The following COL5A2 variants were observed in gnomAD, a reference collection of about 807,000 sequenced individuals.
The protein encoded by COL5A2 is collagen type V alpha 2 chain, also known as collagen alpha-2(V) chain.
COL5A2 carries 23 observed loss-of-function variants against 208.2 expected under a neutral mutation model. The ratio of observed to expected loss-of-function variants is 0.11; its 90% CI spans 0.08 to 0.16. The LOEUF (loss-of-function observed/expected upper bound fraction) is 0.16. COL5A2 is among the 10% of genes least tolerant of loss of function. The pLI is 1.00. For synonymous variants in COL5A2, 625 were observed against 628.5 expected (o/e 0.99, Z 0.08); for missense variants, 1,590 against 1,956.4 (o/e 0.81, Z 3.53).
intron 1 of COL5A2, among the ~76,000 whole-genome samples, chr2:189,152,561 T>C (rs538510101): frequency 6.6e-6 from 1 of 152,308 alleles, no homozygotes; most frequent in East Asian, 1.9e-4. Flanking sequence ...AATGAGCTAG[T>C]TCCCTACAGC....
the COL5A2 span, among the ~76,000 whole-genome samples, chr2:189,308,571 C>T: frequency 6.6e-6 from 1 of 152,130 alleles, no homozygotes; most frequent in African/African-American, 2.4e-5. Context: ...TAGAGTCTGG[C>T]ACCTTTTTAG....
chr2:189,161,674 A>G lies in COL5A2; in HGVS notation c.97+17834T>C, dbSNP rs547189027. On this transcript the variant is annotated intron_variant, in intron 1 of 53. Transcript: ENST00000374866. ...TATTTTGCTTGAAATATCAGTCACAAACTTTTATTGAGTTTCTACTATATG... is the reference window on the plus strand; with the variant it reads ...TATTTTGCTTGAAATATCAGTCACAGACTTTTATTGAGTTTCTACTATATG... Among the ~76,000 whole-genome samples, 14 of 152,302 alleles carry G rather than the reference A, an allele frequency of 9.2e-5. 2 individuals carry two copies. In the South Asian group the frequency reaches 2.5e-3, roughly 27 times the overall value.
the COL5A2 span, among the ~76,000 whole-genome samples, chr2:189,297,337 T>C: frequency 6.6e-6 from 1 of 152,192 alleles, no homozygotes; most frequent in African/African-American, 2.4e-5. Flanking sequence ...GTCATTATTT[T>C]AGGGCATTTT....
chr2:189,405,376 T>TGCCA, the COL5A2 span, among the ~76,000 whole-genome samples: 77 of 152,138 alleles, frequency 5.1e-4, no homozygotes, highest in Non-Finnish European at 9.1e-4. Context: ...GGATTACAGG[T>TGCCA]GCCAGCTATG....
At chr2:189,346,272 C>T in the COL5A2 span, among the ~76,000 whole-genome samples, 1 of 152,110 alleles carries the variant, frequency 6.6e-6, no homozygotes, top group African/African-American at 2.4e-5. Context: ...TCTTAGTTTG[C>T]TTTCTGTTTA....
rs137988249 is a variant in COL5A2 at position 189,033,773 on chromosome 2, G to T, written c.*297C>A. 4 of 397,950 alleles carry T rather than the reference G, an allele frequency of 1.0e-5. No homozygotes were observed. Among genetic ancestry groups the T allele is most frequent in the African/African-American group, 8.1e-5 (4 of 49,670 alleles). The allele number at this position is 397,950 out of a possible 1,614,324, so 24.7% of individuals were successfully genotyped here. ...TACACTGAAATAAATTGAAGAAAACGGAGATTTATTTATTCAATCAGTTTA... is the reference window on the plus strand; with the variant it reads ...TACACTGAAATAAATTGAAGAAAACTGAGATTTATTTATTCAATCAGTTTA... On this transcript the variant is annotated 3_prime_UTR_variant, in exon 54 of 54. Transcript: ENST00000374866.
chr2:189,364,493 C>A, the COL5A2 span, among the ~76,000 whole-genome samples: 1 of 152,114 alleles, frequency 6.6e-6, no homozygotes, highest in Non-Finnish European at 1.5e-5. Flanking sequence ...TCAAAACCAG[C>A]CTGGCCAACA....
At chr2:189,182,035 T>G (rs555613939), upstream of COL5A2, among the ~76,000 whole-genome samples, 1 of 152,338 alleles carries the variant, frequency 6.6e-6, no homozygotes, top group South Asian at 2.1e-4. Context: ...AGCAAAGTAT[T>G]TTGCAACTTG....
chr2:189,365,900 C>T, the COL5A2 span, among the ~76,000 whole-genome samples: 1 of 152,170 alleles, frequency 6.6e-6, no homozygotes, highest in South Asian at 2.1e-4. Flanking sequence ...TGAACTTAGA[C>T]ACCCCACACA....
chr2:189,228,390 C>G (rs1449965993), upstream of COL5A2, among the ~76,000 whole-genome samples: 1 of 151,350 alleles, frequency 6.6e-6, no homozygotes, highest in Non-Finnish European at 1.5e-5. Context: ...AAAAAATCAA[C>G]AAAACCAACA....
chr2:189,286,409 G>T, the COL5A2 span, among the ~76,000 whole-genome samples: 1 of 152,134 alleles, frequency 6.6e-6, no homozygotes, highest in South Asian at 2.1e-4. Flanking sequence ...GGAAAGCAAG[G>T]GCTAGACAAT....
chr2:189,195,785 C>A (rs1688992132), intron 1 of COL5A2, among the ~76,000 whole-genome samples: 1 of 152,142 alleles, frequency 6.6e-6, no homozygotes, highest in South Asian at 2.1e-4. Context: ...AAACTGGACC[C>A]CTTCCTTATG....
At chr2:189,164,350 A>G (rs577408707) in intron 1 of COL5A2, among the ~76,000 whole-genome samples, 1 of 151,986 alleles carries the variant, frequency 6.6e-6, no homozygotes, top group South Asian at 2.1e-4. Flanking sequence ...GAAAAATCAC[A>G]TTTTGTTTTT....
At chr2:189,341,094 A>T in the COL5A2 span, among the ~76,000 whole-genome samples, 5,546 of 152,276 alleles carry the variant, frequency 0.036, 117 homozygotes, top group Admixed American at 0.05. Flanking sequence ...TATGCATTTA[A>T]GATAAGAACA....
At chr2:189,369,837 T>G in the COL5A2 span, among the ~76,000 whole-genome samples, 3 of 152,194 alleles carry the variant, frequency 2.0e-5, no homozygotes, top group African/African-American at 7.2e-5. Flanking sequence ...TCCGATTGCA[T>G]GATGAGGTCT....
the COL5A2 span, among the ~76,000 whole-genome samples, chr2:189,349,285 G>T: frequency 3.3e-5 from 5 of 152,048 alleles, no homozygotes; most frequent in African/African-American, 1.2e-4. Flanking sequence ...TAAGAAAATG[G>T]TTTTTTCCAA....
intron 13 of COL5A2, among the ~76,000 whole-genome samples, chr2:189,080,725 T>C (rs1480492623): frequency 1.3e-5 from 2 of 152,236 alleles, no homozygotes; most frequent in East Asian, 3.9e-4. Context: ...GCTAGAGATT[T>C]TTCTCATTCA....
the COL5A2 span, among the ~76,000 whole-genome samples, chr2:189,392,813 T>G: frequency 6.6e-6 from 1 of 152,178 alleles, no homozygotes; most frequent in Admixed American, 6.6e-5. Context: ...CCTAGAAGCC[T>G]TGTTAAGGAT....
At chr2:189,365,824 T>C in the COL5A2 span, among the ~76,000 whole-genome samples, 1 of 152,256 alleles carries the variant, frequency 6.6e-6, no homozygotes, top group African/African-American at 2.4e-5. Flanking sequence ...TTACACAGCT[T>C]GGCTGTAGCA....
Sources: gnomAD v4.1 joint callset for allele counts (sites outside exome capture counted in the v4.1 genomes callset) on GRCh38, gnomAD v4.1.1 for gene constraint, MANE v1.5 for transcripts, NCBI Gene and HGNC (gene_info 2026-07-23, HGNC 2026-07-21) for gene names.